PCSK5: variants seen among roughly 807,000 people sequenced by gnomAD.
PCSK5 encodes proprotein convertase subtilisin/kexin type 5.
Under a neutral mutation model 233.2 loss-of-function variants are expected in PCSK5, and 129 were observed. The ratio of observed to expected loss-of-function variants is 0.55; its 90% CI spans 0.48 to 0.64. The LOEUF (loss-of-function observed/expected upper bound fraction) is 0.64. Ranked by LOEUF, PCSK5 falls within the 30% of genes least tolerant of loss-of-function variation. The pLI, the probability that PCSK5 is intolerant of heterozygous loss-of-function variation, is 0.00. For synonymous variants in PCSK5, 825 were observed against 879.2 expected (o/e 0.94, Z 1.09); for missense variants, 2,076 against 2,430.1 (o/e 0.85, Z 3.06).
rs538348606 is a variant in PCSK5, at chr9:76,174,955, T to C, written c.1757-31T>C. ...ACAGAGCTAAAGAGGGAAAATTTGGTCATGCTGTGATTTCATTATTATTTC... is the reference window on the plus strand; with the variant it reads ...ACAGAGCTAAAGAGGGAAAATTTGGCCATGCTGTGATTTCATTATTATTTC... On this transcript the variant is annotated intron_variant, in intron 13 of 37. Coordinates refer to ENST00000674117, the MANE Select transcript of PCSK5 (RefSeq NM_001372043.1). The C allele has an allele frequency of 2.6e-6, 4 of 1,566,190 alleles. No homozygotes were observed. In the South Asian group the frequency reaches 4.9e-5, roughly 19 times the overall value.
chr9:75,971,344 T>C (rs1464696149), intron 2 of PCSK5, among the ~76,000 whole-genome samples: 1 of 152,196 alleles, frequency 6.6e-6, no homozygotes, highest in East Asian at 1.9e-4. Context: ...TGATTGGCAT[T>C]TGGGTTGATT....
At chr9:76,337,839 T>TA (rs532649865) in intron 34 of PCSK5, among the ~76,000 whole-genome samples, 1,651 of 124,832 alleles carry the variant, frequency 0.013, 25 homozygotes, top group Middle Eastern at 0.12. Flanking sequence ...CATCTCTGTT[T>TA]TAAAAAAAAA....
intron 1 of PCSK5, among the ~76,000 whole-genome samples, chr9:75,930,665 A>G (rs1015877934): frequency 7.2e-5 from 11 of 152,144 alleles, no homozygotes; most frequent in Admixed American, 6.5e-4. Context: ...TGTGTAGAAA[A>G]CAGATATGAG....
Position 76,323,162 on chromosome 9 carries a change from T to A in PCSK5, c.4213T>A (p.Cys1405Ser). 6.2e-7 allele frequency: 1 copy of A among 1,612,302 alleles called. No homozygotes were observed. Among genetic ancestry groups the A allele is most frequent in the Non-Finnish European group, 8.5e-7 (1 of 1,179,486 alleles). The change falls in exon 32 of 38, where the codon TGC becomes AGC. Residue 1405 changes from cysteine to serine, a missense_variant. Coordinates refer to ENST00000674117, the MANE Select transcript of PCSK5 (RefSeq NM_001372043.1). Reference protein sequence around the residue: ...CVPCHKDCLECSGPKADDCEL... With the variant: ...CVPCHKDCLESSGPKADDCEL... ...CCCCTGCCATAAAGACTGTCTGGAGTGCAGTGGCCCCAAAGCCGACGACTG... is the reference window on the plus strand; with the variant it reads ...CCCCTGCCATAAAGACTGTCTGGAGAGCAGTGGCCCCAAAGCCGACGACTG...
intron 20 of PCSK5, among the ~76,000 whole-genome samples, chr9:76,221,776 T>C (rs537109322): frequency 1.3e-5 from 2 of 152,318 alleles, no homozygotes; most frequent in African/African-American, 4.8e-5. Context: ...GTGTGTTGGA[T>C]CCACAATTTA....
chr9:76,156,398 TA>T (rs1822586871), intron 10 of PCSK5, among the ~76,000 whole-genome samples: 1 of 152,214 alleles, frequency 6.6e-6, no homozygotes, highest in African/African-American at 2.4e-5. Context: ...ATTTCCTGGA[TA>T]AAGTTTAATA....
Position 76,282,074 on chromosome 9 carries a change from T to G in PCSK5, c.3143-10159T>G, listed in dbSNP as rs565187924. ...ACCATTTTTTTCTTTCTTTTTTTTT[T>G]TCCCCACTCTGTTGCCCAGGCTGGA... On this transcript the variant is annotated intron_variant, in intron 24 of 37. Transcript: ENST00000674117. Among the ~76,000 whole-genome samples, 67 of 138,740 alleles carry G rather than the reference T, an allele frequency of 4.8e-4. No homozygotes were observed. In the East Asian group the frequency reaches 0.012, roughly 25 times the overall value. The allele number at this position is 138,740 out of a possible 152,430, so 91.0% of individuals were successfully genotyped here.
chr9:76,173,415 T>G (rs183808734), intron 13 of PCSK5, among the ~76,000 whole-genome samples: 3 of 151,250 alleles, frequency 2.0e-5, no homozygotes, highest in Admixed American at 2.0e-4. Flanking sequence ...TTTGTAATGG[T>G]TTTGTCTTAA....
chr9:76,151,078 C>G (rs570806630), intron 10 of PCSK5, among the ~76,000 whole-genome samples: 2 of 151,334 alleles, frequency 1.3e-5, no homozygotes, highest in African/African-American at 2.4e-5. Context: ...GGGAAAGCGT[C>G]CCAGGTCCTC....
chr9:76,054,028 A>G (rs1829731865), intron 5 of PCSK5, among the ~76,000 whole-genome samples: 2 of 152,188 alleles, frequency 1.3e-5, no homozygotes, highest in Admixed American at 6.5e-5. Flanking sequence ...GAAGGTGAGG[A>G]GGAGCAAAGG....
At chr9:76,175,178 A>G in intron 14 of PCSK5, 49 bp downstream of exon 14, 2 of 1,580,856 alleles carry the variant, frequency 1.3e-6, no homozygotes, top group East Asian at 2.2e-5. Context: ...CAGCTCATGC[A>G]TCATCCCACC....
At position 76,292,235 on chromosome 9, in the gene PCSK5, G is replaced by A. The variant is rs118069479; in HGVS notation, c.3145G>A (p.Asp1049Asn). The change falls in exon 25 of 38, where the codon GAT (aspartate) becomes AAT (asparagine). Residue 1049 changes from aspartate to asparagine, a missense_variant and splice_region_variant. Asp to Asn is a conservative substitution (Grantham distance 23, BLOSUM62 1). Around this residue, in one of 6 missense-constraint regions of PCSK5, gnomAD observed 1,510 missense variants for 1,538.1 expected, o/e 0.98. Transcript: ENST00000674117. ...TTTTTATTATTTTTTTTTTCCAGAT[G>A]ATCCAGGAACATGTACATCTTGCGC... ...EEGCLGCSLDDPGTCTSCAMG... is the reference protein window; with the variant it reads ...EEGCLGCSLDNPGTCTSCAMG... 2,318 of 1,541,820 alleles carry A rather than the reference G, an allele frequency of 1.5e-3. 10 individuals carry two copies. Among genetic ancestry groups the A allele is most frequent in the Middle Eastern group, 3.4e-3 (20 of 5,890 alleles).
chr9:75,975,949 G>A (rs1237943824), intron 2 of PCSK5, among the ~76,000 whole-genome samples: 1 of 152,232 alleles, frequency 6.6e-6, no homozygotes, highest in East Asian at 1.9e-4. Context: ...TGTTGTCCCA[G>A]TTCAATCTCT....
intron 24 of PCSK5, among the ~76,000 whole-genome samples, chr9:76,263,229 A>G (rs1253022880): frequency 2.0e-5 from 3 of 152,210 alleles, no homozygotes; most frequent in Non-Finnish European, 2.9e-5. Context: ...GCGATTCCTC[A>G]GGGATCTAGA....
intron 4 of PCSK5, among the ~76,000 whole-genome samples, chr9:76,024,857 A>C (rs189117525): frequency 6.6e-6 from 1 of 152,302 alleles, no homozygotes; most frequent in East Asian, 1.9e-4. Flanking sequence ...GGATTTGTTT[A>C]ATCACTTTTA....
At chr9:76,151,809 T>A (rs1823683749) in intron 10 of PCSK5, among the ~76,000 whole-genome samples, 1 of 152,238 alleles carries the variant, frequency 6.6e-6, no homozygotes, top group Non-Finnish European at 1.5e-5. Flanking sequence ...AGTTTGGTGC[T>A]TTTAATTGTT....
chr9:76,155,622 G>T (rs778742000), intron 10 of PCSK5, among the ~76,000 whole-genome samples: 2 of 152,170 alleles, frequency 1.3e-5, no homozygotes, highest in Non-Finnish European at 2.9e-5. Flanking sequence ...GATGGATGGA[G>T]GGATGGATGA....
In PCSK5 at chr9:75,913,320, C is replaced by T. The variant is rs62559227; in HGVS notation, c.193-19059C>T. ...TTTTCAACCCTATTGCATTTTGATG[C>T]GTCGGTAGTCAGATTTTGCTTAATT... On this transcript the variant is annotated intron_variant, in intron 1 of 37. Coordinates refer to ENST00000674117, the MANE Select transcript of PCSK5 (RefSeq NM_001372043.1). 4.7e-4 allele frequency among the ~76,000 whole-genome samples: 72 copies of T among 152,212 alleles called. 1 individual carries two copies. The highest frequency in any genetic ancestry group is 1.7e-3 in the African/African-American group (72 of 41,534).
chr9:76,078,117 C>T (rs547448349), intron 7 of PCSK5, among the ~76,000 whole-genome samples: 4 of 152,220 alleles, frequency 2.6e-5, no homozygotes, highest in East Asian at 1.9e-4. Flanking sequence ...ATGTCTTTTG[C>T]GCATTTGTTA....
Sources: gnomAD v4.1 joint callset for allele counts (sites outside exome capture counted in the v4.1 genomes callset) on GRCh38, gnomAD v4.1.1 for gene constraint, gnomAD v4.1.1 regional missense constraint, MANE v1.5 for transcripts, NCBI Gene and HGNC (gene_info 2026-07-23, HGNC 2026-07-21) for gene names.